The following ESYT2 variants were observed in gnomAD, a reference collection of about 807,000 sequenced individuals.
ESYT2 encodes extended synaptotagmin 2.
In ESYT2, 54 loss-of-function variants were observed where a neutral mutation model predicts 107.2. The observed-to-expected ratio is 0.50, with a 90% CI of 0.40 to 0.63. The LOEUF (loss-of-function observed/expected upper bound fraction) is 0.63. ESYT2 is among the 30% of genes least tolerant of loss of function. The probability of loss-of-function intolerance (pLI) is 0.00; values close to 1 mark genes in which losing one functional copy is unlikely to be tolerated. For synonymous variants in ESYT2, 491 were observed against 434.1 expected (o/e 1.13, Z -1.63); for missense variants, 1,020 against 1,094.5 (o/e 0.93, Z 0.96).
chr7:158,822,244 G>C (rs1390195187), intron 1 of ESYT2, among the ~76,000 whole-genome samples: 3 of 152,152 alleles, frequency 2.0e-5, no homozygotes, highest in Admixed American at 2.0e-4. Flanking sequence ...ATAAAATTAT[G>C]TTCTGATAGA....
chr7:158,810,004 TTGTC>T (rs1241096025), intron 1 of ESYT2, among the ~76,000 whole-genome samples: 2 of 152,254 alleles, frequency 1.3e-5, no homozygotes, highest in African/African-American at 4.8e-5. Flanking sequence ...TAAACTTAAT[TTGTC>T]TGAGATTTTC....
At chr7:158,753,705 A>G (rs1837659478) in intron 13 of ESYT2, among the ~76,000 whole-genome samples, 1 of 149,962 alleles carries the variant, frequency 6.7e-6, no homozygotes, top group Admixed American at 6.7e-5. Context: ...AGGAGAGAAG[A>G]TGGAACATGC....
At chr7:158,767,024 G>A (rs1838189035) in intron 8 of ESYT2, among the ~76,000 whole-genome samples, 1 of 152,330 alleles carries the variant, frequency 6.6e-6, no homozygotes, top group Non-Finnish European at 1.5e-5. Context: ...CCAGCTCTGT[G>A]TGCTGGGTGC....
intron 17 of ESYT2, among the ~76,000 whole-genome samples, chr7:158,742,548 G>A (rs1837252517): frequency 6.6e-6 from 1 of 152,232 alleles, no homozygotes; most frequent in Non-Finnish European, 1.5e-5. Flanking sequence ...CCCAGAGGGA[G>A]GAAGAAAGTC....
At chr7:158,741,443 G>A in intron 18 of ESYT2, 80 bp downstream of exon 18, 1 of 1,487,962 alleles carries the variant, frequency 6.7e-7, no homozygotes. Context: ...ATGCTCTGCT[G>A]CGTTAAACGA....
rs1035771050 is a variant in ESYT2 at position 158,731,487 on chromosome 7, A to T, written c.*2720T>A. Reference sequence around the variant, plus strand: ...ACGCCCGGCTAATTTTTGTATTTTTAGTAAAGATGGGGTTTCTCCATGTTG... The same window carrying T: ...ACGCCCGGCTAATTTTTGTATTTTTTGTAAAGATGGGGTTTCTCCATGTTG... On this transcript the variant is annotated 3_prime_UTR_variant, in exon 23 of 23. Transcript: ENST00000275418. The T allele has an allele frequency of 6.6e-6, 1 of 152,238 alleles. No individual in the cohort carries two copies. The highest frequency in any genetic ancestry group is 1.5e-5 in the Non-Finnish European group (1 of 68,064). 9.4% of individuals were successfully genotyped at this position (152,238 alleles called of 1,614,324 possible).
intron 1 of ESYT2, chr7:158,827,670 C>T (rs780224875): frequency 2.0e-5 from 3 of 152,174 alleles, no homozygotes; most frequent in Non-Finnish European, 4.4e-5. Flanking sequence ...CTACTACCTT[C>T]TTCTTGTCTT....
intron 4 of ESYT2, among the ~76,000 whole-genome samples, chr7:158,790,969 C>T (rs1839269816): frequency 6.6e-6 from 1 of 152,106 alleles, no homozygotes; most frequent in South Asian, 2.1e-4. Context: ...AAAATCTACC[C>T]TCATAATCAT....
intron 1 of ESYT2, among the ~76,000 whole-genome samples, chr7:158,808,719 C>T (rs1839903738): frequency 6.6e-6 from 1 of 151,934 alleles, no homozygotes; most frequent in African/African-American, 2.4e-5. Context: ...CCTGTAATCC[C>T]AGCACTTTGG....
chr7:158,768,387 G>C (rs1423336027), intron 7 of ESYT2, among the ~76,000 whole-genome samples: 2 of 152,166 alleles, frequency 1.3e-5, no homozygotes, highest in East Asian at 1.9e-4. Flanking sequence ...AGCAAACTAA[G>C]TGAATAAAAT....
At chr7:158,758,870 A>G (rs1227866165) in intron 13 of ESYT2, among the ~76,000 whole-genome samples, 2 of 152,210 alleles carry the variant, frequency 1.3e-5, no homozygotes, top group Non-Finnish European at 2.9e-5. Context: ...CCTATAAAAC[A>G]ACATTTTACA....
intron 4 of ESYT2, among the ~76,000 whole-genome samples, chr7:158,788,692 A>T (rs1839188265): frequency 6.6e-6 from 1 of 152,248 alleles, no homozygotes; most frequent in African/African-American, 2.4e-5. Context: ...TATATAAAAC[A>T]CTTAACTAAA....
At chr7:158,772,167 T>C (rs1260439021) in intron 7 of ESYT2, among the ~76,000 whole-genome samples, 1 of 152,154 alleles carries the variant, frequency 6.6e-6, no homozygotes, top group African/African-American at 2.4e-5. Context: ...TAAGACCACT[T>C]AAGTCAGGTT....
In ESYT2 at chr7:158,761,548, T is replaced by C. The variant is rs1302548558; in HGVS notation, c.1185-4A>G. ...TTCAATGAGGTCAATCATAAGACTA[T>C]AAAAATAACAATACGACAACTTTAG... On this transcript the variant is annotated splice_polypyrimidine_tract_variant and splice_region_variant and intron_variant, in intron 10 of 22. Transcript: ENST00000275418. 5 of 1,612,798 alleles carry C rather than the reference T, an allele frequency of 3.1e-6. No homozygotes were observed. The highest frequency in any genetic ancestry group is 2.2e-5 in the East Asian group (1 of 44,890).
chr7:158,761,944 G>A (rs528745416), intron 10 of ESYT2, among the ~76,000 whole-genome samples: 23 of 152,116 alleles, frequency 1.5e-4, no homozygotes, highest in East Asian at 1.2e-3. Context: ...TATTTTATAC[G>A]TTCACTCACA....
Position 158,760,058 on chromosome 7 carries a change from C to T in ESYT2, c.1323G>A (p.Lys441=). 1.2e-6 allele frequency: 2 copies of T among 1,614,140 alleles called. No homozygotes were observed. Among genetic ancestry groups the T allele is most frequent in the Non-Finnish European group, 1.7e-6 (2 of 1,179,986 alleles). ...TCAAGAGCACATGCTTCAACAGCACCTTGTCGAGGTTTGACGCATTTGGCA... is the reference window on the plus strand; with the variant it reads ...TCAAGAGCACATGCTTCAACAGCACTTTGTCGAGGTTTGACGCATTTGGCA... ...TLMPNASNLD[K]VLTDIKADKD... Residue 441 remains lysine, a splice_region_variant and synonymous_variant, in exon 12 of 23, where the codon AAG becomes AAA. Transcript: ENST00000275418.
At chr7:158,814,818 G>C (rs991151743) in intron 1 of ESYT2, among the ~76,000 whole-genome samples, 2 of 152,220 alleles carry the variant, frequency 1.3e-5, no homozygotes, top group South Asian at 4.1e-4. Context: ...GGTGACTGCA[G>C]GGTCTCTCAG....
In ESYT2 at chr7:158,759,352, C is replaced by T. The variant is rs957794846; in HGVS notation, c.1419+134G>A. 51 of 648,186 alleles carry T rather than the reference C, an allele frequency of 7.9e-5. No homozygotes were observed. The African/African-American group carries it at 8.8e-4, about 11-fold the overall frequency. 40.2% of individuals were successfully genotyped at this position (648,186 alleles called of 1,614,324 possible). A position where few individuals can be genotyped will look rare whatever the true frequency, so the allele number is the denominator to read the frequency against. On this transcript the variant is annotated intron_variant, in intron 13 of 22. Transcript: ENST00000275418. Reference sequence around the variant, plus strand: ...CTTCTCCCTCTCCACTGCCACTCTCCTGCACTTGGACGTGAAGTGAAAACA... The same window carrying T: ...CTTCTCCCTCTCCACTGCCACTCTCTTGCACTTGGACGTGAAGTGAAAACA...
At chr7:158,795,588 G>A (rs2788505) in intron 3 of ESYT2, among the ~76,000 whole-genome samples, 99,291 of 139,158 alleles carry the variant, frequency 0.71, 34,600 homozygotes, top group Non-Finnish European at 0.81. Flanking sequence ...CTGCGGCCAC[G>A]TACAGACAGA....
Sources: gnomAD v4.1 joint callset for allele counts (sites outside exome capture counted in the v4.1 genomes callset) on GRCh38, gnomAD v4.1.1 for gene constraint, MANE v1.5 for transcripts, NCBI Gene and HGNC (gene_info 2026-07-23, HGNC 2026-07-21) for gene names.